WWOX: variants seen among roughly 807,000 people sequenced by gnomAD.
The protein encoded by WWOX is WW domain containing oxidoreductase, also known as WW domain-containing oxidoreductase.
Under a neutral mutation model 46.2 loss-of-function variants are expected in WWOX, and 69 were observed. The observed-to-expected ratio is 1.49, with a 90% CI of 1.23 to 1.82. The LOEUF (loss-of-function observed/expected upper bound fraction) is 1.82. Ranked by LOEUF, WWOX falls within the 40% of genes most tolerant of loss-of-function variation. The pLI is 0.00. For synonymous variants in WWOX, 359 were observed against 202.6 expected, an observed-to-expected ratio of 1.77 and a Z score of -6.56; for missense variants, 919 against 542.6, an observed-to-expected ratio of 1.69 and a Z score of -6.89.
intron 5 of WWOX, among the ~76,000 whole-genome samples, chr16:78,222,970 C>G (rs1219924175): frequency 6.6e-6 from 1 of 152,130 alleles, no homozygotes; most frequent in East Asian, 1.9e-4. Context: ...CAGAGGGGAG[C>G]CAGAGGAATG....
intron 8 of WWOX, among the ~76,000 whole-genome samples, chr16:79,021,640 C>G (rs888708416): frequency 5.3e-5 from 8 of 152,088 alleles, no homozygotes; most frequent in African/African-American, 1.9e-4. Context: ...TCTGTGATTT[C>G]GATTGCGACA....
chr16:78,714,779 G>C lies in WWOX; in HGVS notation c.1056+282027G>C, dbSNP rs142202947. On this transcript the variant is annotated intron_variant, in intron 8 of 8. Transcript: ENST00000566780. Reference sequence around the variant, plus strand: ...AAGGCTGAGAGGTGTGCATGGGTCTGATCACACAGAGCCTTGTAAACCAAG... The same window carrying C: ...AAGGCTGAGAGGTGTGCATGGGTCTCATCACACAGAGCCTTGTAAACCAAG... Among the ~76,000 whole-genome samples the C allele has an allele frequency of 5.3e-5, 8 of 152,244 alleles. No homozygotes were observed. The East Asian group carries it at 1.5e-3, about 29-fold the overall frequency.
At chr16:78,270,900 T>C (rs2079463816) in intron 5 of WWOX, among the ~76,000 whole-genome samples, 1 of 152,214 alleles carries the variant, frequency 6.6e-6, no homozygotes, top group Non-Finnish European at 1.5e-5. Context: ...TACTTAACTA[T>C]CTGGCCCTTC....
At chr16:78,846,941 T>C (rs972149416) in intron 8 of WWOX, among the ~76,000 whole-genome samples, 1 of 152,240 alleles carries the variant, frequency 6.6e-6, no homozygotes, top group Non-Finnish European at 1.5e-5. Context: ...GTTTATTCTG[T>C]AGGTCATAAT....
chr16:78,994,767 C>T (rs965352366), intron 8 of WWOX, among the ~76,000 whole-genome samples: 3 of 152,102 alleles, frequency 2.0e-5, no homozygotes, highest in Admixed American at 2.0e-4. Flanking sequence ...GAAGGACTTT[C>T]TTTGGAGCGG....
chr16:79,182,311 T>A (rs187113106), intron 8 of WWOX, among the ~76,000 whole-genome samples: 1 of 152,274 alleles, frequency 6.6e-6, no homozygotes, highest in East Asian at 1.9e-4. Flanking sequence ...CAGCGCCATG[T>A]TGTCATCAAA....
chr16:78,620,731 T>C (rs2046160005), intron 8 of WWOX, among the ~76,000 whole-genome samples: 1 of 152,118 alleles, frequency 6.6e-6, no homozygotes, highest in Non-Finnish European at 1.5e-5. Flanking sequence ...GTTAGCAAAA[T>C]GCATATTTGC....
chr16:78,125,298 C>T (rs143369256), intron 4 of WWOX, among the ~76,000 whole-genome samples: 224 of 152,212 alleles, frequency 1.5e-3, no homozygotes, highest in Middle Eastern at 6.8e-3. Flanking sequence ...CGGCGGGTGC[C>T]TGCAGGATAG....
At chr16:78,231,596 G>A (rs1047720965) in intron 5 of WWOX, among the ~76,000 whole-genome samples, 4 of 152,162 alleles carry the variant, frequency 2.6e-5, no homozygotes. Context: ...TCTTTATGGT[G>A]TTTTTCATTG....
intron 5 of WWOX, among the ~76,000 whole-genome samples, chr16:78,178,240 G>C (rs539424861): frequency 6.6e-6 from 1 of 152,162 alleles, no homozygotes; most frequent in South Asian, 2.1e-4. Context: ...CTGGTCCCCC[G>C]TCCCAGCACT....
At chr16:79,059,511 G>C (rs1039412080) in intron 8 of WWOX, among the ~76,000 whole-genome samples, 2 of 152,068 alleles carry the variant, frequency 1.3e-5, no homozygotes, top group Non-Finnish European at 2.9e-5. Context: ...CTTTTTTTGA[G>C]ATGGAGTCTT....
chr16:78,339,861 C>T (rs1441059803), intron 5 of WWOX, among the ~76,000 whole-genome samples: 4 of 116,518 alleles, frequency 3.4e-5, no homozygotes, highest in African/African-American at 1.2e-4. Context: ...CAACCCCTTG[C>T]TGCTATCCAA....
At chr16:78,138,870 A>T (rs2033889294) in intron 4 of WWOX, among the ~76,000 whole-genome samples, 2 of 152,210 alleles carry the variant, frequency 1.3e-5, no homozygotes, top group Non-Finnish European at 2.9e-5. Flanking sequence ...ATCATTTGGC[A>T]TCTCTATTAC....
intron 8 of WWOX, among the ~76,000 whole-genome samples, chr16:78,810,690 G>T (rs563648588): frequency 6.6e-6 from 1 of 152,136 alleles, no homozygotes; most frequent in Non-Finnish European, 1.5e-5. Context: ...ATTGAAGCGG[G>T]CCATAGTATC....
chr16:79,037,491 G>A lies in WWOX; in HGVS notation c.1057-174117G>A, dbSNP rs1273295636. Among the ~76,000 whole-genome samples, 5 of 152,050 alleles carry A rather than the reference G, an allele frequency of 3.3e-5. No individual in the cohort carries two copies. The East Asian group carries it at 9.7e-4, about 29-fold the overall frequency. On this transcript the variant is annotated intron_variant, in intron 8 of 8. Transcript: ENST00000566780. ...GTCTGTGGAAAGGAAGTTGTCATAGGAGTCTAGGACTCAGCAGCTGTCACC... is the reference window on the plus strand; with the variant it reads ...GTCTGTGGAAAGGAAGTTGTCATAGAAGTCTAGGACTCAGCAGCTGTCACC...
intron 8 of WWOX, among the ~76,000 whole-genome samples, chr16:78,870,181 T>G (rs1475145848): frequency 6.6e-6 from 1 of 152,172 alleles, no homozygotes; most frequent in African/African-American, 2.4e-5. Context: ...AACCCTAAGA[T>G]CCTGGATGGC....
chr16:78,900,980 C>G (rs370945235), intron 8 of WWOX, among the ~76,000 whole-genome samples: 13 of 152,168 alleles, frequency 8.5e-5, no homozygotes, highest in East Asian at 5.8e-4. Context: ...ACCACAGTTT[C>G]CATGAGCGTT....
At chr16:78,551,301 C>T (rs771181335) in intron 8 of WWOX, 40 of 152,142 alleles carry the variant, frequency 2.6e-4, no homozygotes, top group Non-Finnish European at 4.9e-4. Flanking sequence ...GATATCTCGT[C>T]TTCCAAACTT....
At chr16:78,675,910 A>C (rs569375525) in intron 8 of WWOX, among the ~76,000 whole-genome samples, 87 of 152,128 alleles carry the variant, frequency 5.7e-4, no homozygotes, top group Non-Finnish European at 1.0e-3. Flanking sequence ...AAAATGTAAG[A>C]AGTCATAAAG....
Sources: gnomAD v4.1 joint callset for allele counts (sites outside exome capture counted in the v4.1 genomes callset) on GRCh38, gnomAD v4.1.1 for gene constraint, MANE v1.5 for transcripts, NCBI Gene and HGNC (gene_info 2026-07-23, HGNC 2026-07-21) for gene names.